The following MTARC2 variants were observed in gnomAD, a reference collection of about 807,000 sequenced individuals.
MTARC2 encodes MOCO sulphurase C-terminal domain containing 2.
A neutral mutation model predicts 35.6 loss-of-function variants in MTARC2; 27 were observed. The ratio of observed to expected loss-of-function variants is 0.76; its 90% CI spans 0.56 to 1.04. The LOEUF is 1.04. Among genes scored for constraint, MTARC2 ranks in the 50% least tolerant of loss-of-function variants. The pLI is 0.00. For synonymous variants in MTARC2, 158 were observed against 167.1 expected (o/e 0.95, Z 0.42); for missense variants, 412 against 432.5 (o/e 0.95, Z 0.42).
intron 4 of MTARC2, among the ~76,000 whole-genome samples, chr1:220,770,745 C>T (rs1454451436): frequency 6.6e-6 from 1 of 152,220 alleles, no homozygotes; most frequent in Non-Finnish European, 1.5e-5. Flanking sequence ...GTGGGACCAC[C>T]CAGCCAAGCC....
chr1:220,748,661 T>C lies in MTARC2; in HGVS notation c.130T>C (p.Trp44Arg). Residue 44 changes from tryptophan (W) to arginine (R), a missense_variant, in exon 1 of 8, where the codon TGG becomes CGG. By Grantham distance (101) the Trp-to-Arg change is moderately radical. Coordinates refer to ENST00000366913, the MANE Select transcript of MTARC2 (RefSeq NM_017898.5). ...ALGTVAWRRA[W>R]PRRRRRLQQV... ...GGGGACTGTCGCCTGGCGCCGCGCA[T>C]GGCCCAGGCGGCGCCGGCGGCTGCA... 1 of 1,566,810 alleles carries C rather than the reference T, an allele frequency of 6.4e-7. No homozygotes were observed. The highest frequency in any genetic ancestry group is 8.6e-7 in the Non-Finnish European group (1 of 1,159,102).
intron 4 of MTARC2, among the ~76,000 whole-genome samples, chr1:220,769,932 T>TAA (rs1553254311): frequency 8.5e-5 from 2 of 23,542 alleles, no homozygotes; most frequent in African/African-American, 4.3e-4. Context: ...CTACTAAAAA[T>TAA]ACAAAAAAAA....
chr1:220,776,946 GATCCTT>G (rs773022631), intron 4 of MTARC2, among the ~76,000 whole-genome samples: 3 of 152,160 alleles, frequency 2.0e-5, no homozygotes, highest in South Asian at 4.1e-4. Context: ...GGTACCCATT[GATCCTT>G]ACTTCCCAGT....
intron 4 of MTARC2, among the ~76,000 whole-genome samples, chr1:220,777,631 A>G (rs79831851): frequency 0.047 from 7,111 of 152,230 alleles, 258 homozygotes; most frequent in East Asian, 0.19. Context: ...CCGTACCCCA[A>G]TGCCTCCTAC....
At chr1:220,770,245 C>A in intron 4 of MTARC2, 1 of 210,702 alleles carries the variant, frequency 4.7e-6, no homozygotes, top group Non-Finnish European at 8.2e-6. Flanking sequence ...CTTCACCATG[C>A]TTTTTCTAGT....
chr1:220,748,591 C>A lies in MTARC2; in HGVS notation c.60C>A (p.Pro20=), dbSNP rs763804153. ...TCGGCCTCCCAGCCCGGCCCTGGCCCAGGTGGCTCGGGGTCGCCGCGCTAG... is the reference window on the plus strand; with the variant it reads ...TCGGCCTCCCAGCCCGGCCCTGGCCAAGGTGGCTCGGGGTCGCCGCGCTAG... ...ARLGLPARPW[P]RWLGVAALGL... Residue 20 remains proline (P), a synonymous_variant, in exon 1 of 8, where the codon CCC becomes CCA. Coordinates refer to ENST00000366913, the MANE Select transcript of MTARC2 (RefSeq NM_017898.5). The A allele has an allele frequency of 1.2e-4, 182 of 1,458,880 alleles. 1 individual carries two copies. Among genetic ancestry groups the A allele is most frequent in the Non-Finnish European group, 1.5e-4 (167 of 1,115,020 alleles). 90.4% of individuals were successfully genotyped at this position (1,458,880 alleles called of 1,614,324 possible).
intron 1 of MTARC2, among the ~76,000 whole-genome samples, chr1:220,749,455 GA>G (rs1671075590): frequency 7.6e-6 from 1 of 130,762 alleles, no homozygotes; most frequent in Non-Finnish European, 1.6e-5. Context: ...TTTTGAGACA[GA>G]ATCTCACTTC....
chr1:220,780,136 G>A, intron 5 of MTARC2, 32 bp from the exon 6 acceptor site: 2 of 1,609,318 alleles, frequency 1.2e-6, no homozygotes, highest in Non-Finnish European at 1.7e-6. Flanking sequence ...TGGTTCCTAA[G>A]CATCACCTAA....
rs919465727 is a variant in MTARC2, at chr1:220,781,776, A to G, written c.885-2A>G. ...TGATGATTGAATTTTTGCTTGTTTC[A>G]GCTACCGCCTGTGTGATCCTTCTGA... On this transcript the variant is annotated splice_acceptor_variant, in intron 6 of 7. Coordinates refer to ENST00000366913, the MANE Select transcript of MTARC2 (RefSeq NM_017898.5). LOFTEE classifies it high-confidence loss of function. 1 of 1,613,682 alleles carries G rather than the reference A, an allele frequency of 6.2e-7. No individual in the cohort carries two copies. Among genetic ancestry groups the G allele is most frequent in the African/African-American group, 1.3e-5 (1 of 74,902 alleles).
At chr1:220,776,166 T>C (rs566413303) in intron 4 of MTARC2, among the ~76,000 whole-genome samples, 17 of 152,332 alleles carry the variant, frequency 1.1e-4, no homozygotes, top group Admixed American at 3.3e-4. Context: ...CATTCCCTTT[T>C]CTCCACAGCC....
chr1:220,782,712 C>T (rs1240255320), intron 7 of MTARC2, among the ~76,000 whole-genome samples: 2 of 152,156 alleles, frequency 1.3e-5, no homozygotes, highest in African/African-American at 2.4e-5. Context: ...ACAACCTGAC[C>T]CTCCTTAAGG....
intron 4 of MTARC2, among the ~76,000 whole-genome samples, chr1:220,763,819 A>G (rs1462496721): frequency 2.0e-5 from 3 of 152,156 alleles, no homozygotes; most frequent in Non-Finnish European, 4.4e-5. Context: ...ACTTTATTTG[A>G]TCTTTACGAT....
chr1:220,762,605 G>A (rs1374194631), intron 3 of MTARC2, among the ~76,000 whole-genome samples: 1 of 152,180 alleles, frequency 6.6e-6, no homozygotes, highest in East Asian at 1.9e-4. Context: ...GCAGGTCCTC[G>A]CTGTTTGAGG....
chr1:220,773,179 G>A (rs537900464), intron 4 of MTARC2, among the ~76,000 whole-genome samples: 1 of 152,288 alleles, frequency 6.6e-6, no homozygotes, highest in East Asian at 1.9e-4. Context: ...CTCAGGGGAA[G>A]GGAGAGGGGC....
At chr1:220,783,716 G>A (rs1230873046) in intron 7 of MTARC2, among the ~76,000 whole-genome samples, 2 of 152,212 alleles carry the variant, frequency 1.3e-5, no homozygotes, top group African/African-American at 4.8e-5. Context: ...TTATGGATGA[G>A]AAACAAAGGC....
intron 4 of MTARC2, among the ~76,000 whole-genome samples, chr1:220,773,720 T>C (rs953124119): frequency 1.3e-5 from 2 of 152,150 alleles, no homozygotes; most frequent in African/African-American, 4.8e-5. Context: ...ATCATGTATT[T>C]GATGTCACAG....
At chr1:220,766,512 C>A (rs1022254121) in intron 4 of MTARC2, among the ~76,000 whole-genome samples, 1 of 152,170 alleles carries the variant, frequency 6.6e-6, no homozygotes, top group Admixed American at 6.5e-5. Context: ...CATGAAGCAA[C>A]AGTTTTTCCA....
At chr1:220,749,683 G>A (rs1018338264) in intron 1 of MTARC2, among the ~76,000 whole-genome samples, 4 of 152,012 alleles carry the variant, frequency 2.6e-5, no homozygotes, top group East Asian at 1.9e-4. Context: ...CACCAGCCTC[G>A]GCCTCCTAAA....
intron 4 of MTARC2, among the ~76,000 whole-genome samples, chr1:220,774,752 G>A (rs1246415323): frequency 6.6e-6 from 1 of 152,152 alleles, no homozygotes; most frequent in Non-Finnish European, 1.5e-5. Flanking sequence ...CTCACTCTCA[G>A]CGGTCTTATA....
Sources: allele counts gnomAD v4.1 joint callset (sites outside exome capture counted in the v4.1 genomes callset), GRCh38; gene constraint gnomAD v4.1.1; transcripts MANE v1.5; gene names NCBI Gene and HGNC (gene_info 2026-07-23, HGNC 2026-07-21).